The following SNRPD3 variants were observed in gnomAD, a reference collection of about 807,000 sequenced individuals.
SNRPD3 encodes the protein small nuclear ribonucleoprotein D3 polypeptide, also known as small nuclear ribonucleoprotein Sm D3.
For missense variants in SNRPD3, 73 were observed against 167.5 expected, an observed-to-expected ratio of 0.44 and a Z score of 3.11; for synonymous variants, 66 against 58.4, an observed-to-expected ratio of 1.13 and a Z score of -0.59.
upstream of SNRPD3, chr22:24,555,879 C>T: frequency 6.6e-7 from 1 of 1,519,256 alleles, no homozygotes; most frequent in Admixed American, 2.0e-5. Flanking sequence ...GTTTCCCAGC[C>T]GGCAGGCGGA....
rs62231176 is a variant in SNRPD3 at position 24,564,135 on chromosome 22, G to A, written c.127-3849G>A. On this transcript the variant is annotated intron_variant, in intron 2 of 3. Coordinates refer to ENST00000215829, the MANE Select transcript of SNRPD3 (RefSeq NM_004175.5). Reference sequence around the variant, plus strand: ...AGGTAGATGGCCTTAGTTGGTATTCGTATTATAGCAGTGGCATCCAAGCAC... The same window carrying A: ...AGGTAGATGGCCTTAGTTGGTATTCATATTATAGCAGTGGCATCCAAGCAC... Among the ~76,000 whole-genome samples, 269 of 152,152 alleles carry A rather than the reference G, an allele frequency of 1.8e-3. 2 individuals are homozygous for A. The highest frequency in any genetic ancestry group is 3.4e-3 in the Middle Eastern group (1 of 294).
At chr22:24,562,247 T>A (rs1219165665) in intron 2 of SNRPD3, among the ~76,000 whole-genome samples, 4 of 152,136 alleles carry the variant, frequency 2.6e-5, no homozygotes, top group Non-Finnish European at 4.4e-5. Context: ...GTTTAAAAAT[T>A]ATCTGGATGT....
intron 2 of SNRPD3, 74 bp downstream of exon 2, chr22:24,557,874 A>G: frequency 6.9e-7 from 1 of 1,449,384 alleles, no homozygotes; most frequent in Non-Finnish European, 9.3e-7. Flanking sequence ...GTGTGTGTTG[A>G]GGGTCTCTGG....
intron 2 of SNRPD3, 38 bp downstream of exon 2, chr22:24,557,838 G>T (rs1310021842): frequency 7.6e-6 from 12 of 1,580,320 alleles, no homozygotes; most frequent in African/African-American, 1.4e-5. Flanking sequence ...TGGGAGGAAT[G>T]GCCCTGTGTC....
chr22:24,572,447 C>T lies in SNRPD3; in HGVS notation c.*470C>T, dbSNP rs1252172553. On this transcript the variant is annotated 3_prime_UTR_variant, in exon 4 of 4. Coordinates refer to ENST00000215829, the MANE Select transcript of SNRPD3 (RefSeq NM_004175.5). ...AGCTCAGCTTTAACAACACAGGTGA[C>T]TCTTTCCCTTGATAAAGTCATAGGT... is the stretch of plus-strand genomic sequence containing the variant. The T allele has an allele frequency of 6.0e-6, 2 of 333,196 alleles. No homozygotes were observed. Among genetic ancestry groups the T allele is most frequent in the African/African-American group, 2.2e-5 (1 of 46,480 alleles). The allele number at this position is 333,196 out of a possible 1,614,324, so 20.6% of individuals were successfully genotyped here. A position where few individuals can be genotyped will look rare whatever the true frequency, so the allele number is the denominator to read the frequency against.
At chr22:24,567,573 C>T (rs2045207658) in intron 2 of SNRPD3, among the ~76,000 whole-genome samples, 1 of 152,100 alleles carries the variant, frequency 6.6e-6, no homozygotes, top group Admixed American at 6.6e-5. Flanking sequence ...CTGGTGAAAC[C>T]CCACCTCTAC....
intron 2 of SNRPD3, among the ~76,000 whole-genome samples, chr22:24,567,625 A>G (rs2045208300): frequency 6.6e-6 from 1 of 152,148 alleles, no homozygotes; most frequent in African/African-American, 2.4e-5. Context: ...GCATGCCTGT[A>G]ATCCCAGCTA....
chr22:24,562,026 C>T (rs1053272007), intron 2 of SNRPD3, among the ~76,000 whole-genome samples: 25 of 151,616 alleles, frequency 1.6e-4, no homozygotes, highest in Admixed American at 7.9e-4. Context: ...CACACCACAA[C>T]GATTCGGAAA....
chr22:24,560,719 T>C (rs1466344674), intron 2 of SNRPD3, among the ~76,000 whole-genome samples: 508 of 1,456 alleles, frequency 0.35, 30 homozygotes, highest in Non-Finnish European at 0.52. Flanking sequence ...CCTGGCCTTT[T>C]TTTTTTTTTT....
chr22:24,562,709 A>G (rs974480560), intron 2 of SNRPD3, among the ~76,000 whole-genome samples: 15 of 152,180 alleles, frequency 9.9e-5, no homozygotes, highest in Admixed American at 3.9e-4. Context: ...GCAAGACCCT[A>G]TCTCTAAAAT....
chr22:24,559,876 C>A (rs1020675848), intron 2 of SNRPD3, among the ~76,000 whole-genome samples: 4 of 151,970 alleles, frequency 2.6e-5, no homozygotes, highest in Non-Finnish European at 5.9e-5. Context: ...AGTCTGAGAT[C>A]AAGGTGTTGG....
chr22:24,572,823 C>T lies in SNRPD3; in HGVS notation c.*846C>T, dbSNP rs2045261520. On this transcript the variant is annotated 3_prime_UTR_variant, in exon 4 of 4. Coordinates refer to ENST00000215829, the MANE Select transcript of SNRPD3 (RefSeq NM_004175.5). ...GCTTCCTTGGCTCGTATACTGGCTA[C>T]AACAAGTAGTTTTGTGGTGATTTGT... is the stretch of plus-strand genomic sequence containing the variant. The T allele has an allele frequency of 6.6e-6, 1 of 152,288 alleles. No homozygotes were observed. The highest frequency in any genetic ancestry group is 2.1e-4 in the South Asian group (1 of 4,818). 9.4% of individuals were successfully genotyped at this position (152,288 alleles called of 1,614,324 possible). A position where few individuals can be genotyped will look rare whatever the true frequency, so the allele number is the denominator to read the frequency against.
intron 3 of SNRPD3, among the ~76,000 whole-genome samples, chr22:24,570,275 T>C (rs544384497): frequency 4.3e-4 from 66 of 152,322 alleles, no homozygotes; most frequent in African/African-American, 1.6e-3. Context: ...AGATTCTGTC[T>C]CCTGAGTCCT....
chr22:24,556,478 T>C (rs924370196), intron 1 of SNRPD3, among the ~76,000 whole-genome samples: 1 of 151,930 alleles, frequency 6.6e-6, no homozygotes, highest in Non-Finnish European at 1.5e-5. Context: ...TCCAAAGTGC[T>C]GGGATTACAG....
chr22:24,567,410 G>C (rs1270607505), intron 2 of SNRPD3, among the ~76,000 whole-genome samples: 2 of 152,196 alleles, frequency 1.3e-5, no homozygotes, highest in Admixed American at 1.3e-4. Context: ...CATTCCAGCT[G>C]TTTGACCTGG....
rs2045254691 is a variant in SNRPD3, at chr22:24,572,003, C to G, written c.*26C>G. On this transcript the variant is annotated 3_prime_UTR_variant, in exon 4 of 4. Coordinates refer to ENST00000215829, the MANE Select transcript of SNRPD3 (RefSeq NM_004175.5). ...TTTTCTAAGTTGAACAGAACTTTGT[C>G]CTTTTTTCTTTCAGGTTATCTGAGT... The G allele has an allele frequency of 6.2e-7, 1 of 1,613,336 alleles. No individual in the cohort carries two copies. Among genetic ancestry groups the G allele is most frequent in the Non-Finnish European group, 8.5e-7 (1 of 1,179,440 alleles).
At chr22:24,565,683 C>T (rs922251419) in intron 2 of SNRPD3, among the ~76,000 whole-genome samples, 31 of 152,100 alleles carry the variant, frequency 2.0e-4, no homozygotes, top group African/African-American at 6.0e-4. Flanking sequence ...TTTTTTGAGA[C>T]GGCGTCTTGC....
At chr22:24,568,759 C>T (rs1283670912) in intron 3 of SNRPD3, among the ~76,000 whole-genome samples, 1 of 150,382 alleles carries the variant, frequency 6.6e-6, no homozygotes, top group African/African-American at 2.4e-5. Context: ...GTTTCACCAC[C>T]TTGGCTAGGC....
At chr22:24,560,754 A>C (rs2045132591) in intron 2 of SNRPD3, among the ~76,000 whole-genome samples, 1 of 80,428 alleles carries the variant, frequency 1.2e-5, no homozygotes, top group Non-Finnish European at 2.1e-5. Flanking sequence ...TTGAGACAGA[A>C]TCTTGCTCTG....
Sources: allele counts gnomAD v4.1 joint callset (sites outside exome capture counted in the v4.1 genomes callset), GRCh38; gene constraint gnomAD v4.1.1; transcripts MANE v1.5; gene names NCBI Gene and HGNC (gene_info 2026-07-23, HGNC 2026-07-21).